DIP2C: variants seen among roughly 807,000 people sequenced by gnomAD.
DIP2C encodes the protein disco-interacting protein 2 homolog C.
Under a neutral mutation model 192.4 loss-of-function variants are expected in DIP2C, and 33 were observed. The observed-to-expected ratio is 0.17, with a 90% CI of 0.13 to 0.23. The LOEUF (loss-of-function observed/expected upper bound fraction) is 0.23. Ranked by LOEUF, DIP2C falls within the 10% of genes least tolerant of loss-of-function variation. DIP2C has a pLI of 1.00. For synonymous variants in DIP2C, 979 were observed against 864.1 expected (o/e 1.13, Z -2.33); for missense variants, 1,537 against 2,110.1 (o/e 0.73, Z 5.32).
Position 487,800 on chromosome 10 carries a change from A to G in DIP2C, c.86-1270T>C, listed in dbSNP as rs1302581903. Reference sequence around the variant, plus strand: ...CACCATGTTAGCCAGGATGATCTCCATCTCCTGACCTCATGATCTGCCACT... The same window carrying G: ...CACCATGTTAGCCAGGATGATCTCCGTCTCCTGACCTCATGATCTGCCACT... On this transcript the variant is annotated intron_variant, in intron 1 of 36. Coordinates refer to ENST00000280886, the MANE Select transcript of DIP2C (RefSeq NM_014974.3). Among the ~76,000 whole-genome samples the G allele has an allele frequency of 2.0e-5, 3 of 152,044 alleles. No homozygotes were observed. The East Asian group carries it at 5.8e-4, about 30-fold the overall frequency.
chr10:593,243 A>C (rs1164636033), intron 1 of DIP2C, among the ~76,000 whole-genome samples: 4 of 152,008 alleles, frequency 2.6e-5, no homozygotes, highest in Non-Finnish European at 1.5e-5. Flanking sequence ...TCTCATCGTC[A>C]TCTGGGGCTC....
intron 1 of DIP2C, among the ~76,000 whole-genome samples, chr10:646,471 G>C (rs139463585): frequency 6.6e-6 from 1 of 152,212 alleles, no homozygotes; most frequent in East Asian, 1.9e-4. Flanking sequence ...GGTGGCGACC[G>C]CACCAGCCAG....
intron 17 of DIP2C, among the ~76,000 whole-genome samples, chr10:378,260 G>A (rs12246970): frequency 0.14 from 20,581 of 152,250 alleles, 1,482 homozygotes; most frequent in East Asian, 0.2. Context: ...TACAGTTCAC[G>A]TAGCAAGACT....
At chr10:336,516 G>A (rs553085421) in intron 29 of DIP2C, among the ~76,000 whole-genome samples, 3 of 152,068 alleles carry the variant, frequency 2.0e-5, no homozygotes, top group Admixed American at 6.5e-5. Flanking sequence ...TGGGCACGGT[G>A]GATTAGGTTT....
At chr10:373,490 G>A (rs962928453) in intron 17 of DIP2C, among the ~76,000 whole-genome samples, 1 of 152,212 alleles carries the variant, frequency 6.6e-6, no homozygotes, top group Non-Finnish European at 1.5e-5. Flanking sequence ...AGTGTTGGGA[G>A]AAGCTGCGGC....
At chr10:554,273 C>T (rs1848732610) in intron 1 of DIP2C, among the ~76,000 whole-genome samples, 1 of 152,146 alleles carries the variant, frequency 6.6e-6, no homozygotes, top group Admixed American at 6.5e-5. Context: ...ATGCTTGTAA[C>T]TGTAAGAGTG....
At chr10:309,279 T>G (rs1010675207) in intron 32 of DIP2C, among the ~76,000 whole-genome samples, 3 of 151,696 alleles carry the variant, frequency 2.0e-5, no homozygotes, top group Non-Finnish European at 2.9e-5. Context: ...GTCCTCACAC[T>G]CTCACCAAGA....
chr10:344,706 AGTCT>A, intron 28 of DIP2C, 99 bp downstream of exon 28: 1 of 918,556 alleles, frequency 1.1e-6, no homozygotes. Context: ...TCCACATCTC[AGTCT>A]GACTACACGA....
chr10:376,541 A>G (rs1297992485), intron 17 of DIP2C, among the ~76,000 whole-genome samples: 1 of 144,734 alleles, frequency 6.9e-6, no homozygotes, highest in Non-Finnish European at 1.5e-5. Context: ...TGGCAGCCAG[A>G]ACCCCGAGGA....
At chr10:350,853 G>A (rs1488630101) in intron 24 of DIP2C, among the ~76,000 whole-genome samples, 9 of 152,026 alleles carry the variant, frequency 5.9e-5, no homozygotes, top group South Asian at 2.1e-4. Flanking sequence ...TCACTATGTT[G>A]GCCAGGATGG....
intron 1 of DIP2C, among the ~76,000 whole-genome samples, chr10:602,052 G>A (rs905008083): frequency 4.6e-5 from 7 of 150,824 alleles, no homozygotes; most frequent in Admixed American, 1.3e-4. Flanking sequence ...AGCCACATGG[G>A]AAGGGGCTTT....
intron 1 of DIP2C, among the ~76,000 whole-genome samples, chr10:563,640 A>T (rs11253214): frequency 1.3e-5 from 2 of 152,142 alleles, no homozygotes; most frequent in Non-Finnish European, 2.9e-5. Context: ...AAAGTTTCTG[A>T]GGAGCATTTG....
intron 32 of DIP2C, among the ~76,000 whole-genome samples, chr10:297,591 C>T (rs936196547): frequency 2.6e-5 from 4 of 152,136 alleles, no homozygotes; most frequent in Admixed American, 1.3e-4. Flanking sequence ...AAATACTACA[C>T]GTTCTCACTC....
At chr10:557,763 GGGGAGGAT>G (rs1848970143) in intron 1 of DIP2C, among the ~76,000 whole-genome samples, 1 of 61,464 alleles carries the variant, frequency 1.6e-5, no homozygotes, top group Non-Finnish European at 3.1e-5. Context: ...GAAGGGGGAG[GGGGAGGAT>G]GGGCGGGGAG....
At chr10:600,485 G>A (rs1326170177) in intron 1 of DIP2C, among the ~76,000 whole-genome samples, 1 of 150,674 alleles carries the variant, frequency 6.6e-6, no homozygotes, top group Non-Finnish European at 1.5e-5. Context: ...CCTTAAAGAC[G>A]ACGGCCCAGG....
intron 32 of DIP2C, among the ~76,000 whole-genome samples, chr10:295,311 C>G (rs1320877079): frequency 1.3e-5 from 2 of 151,990 alleles, no homozygotes; most frequent in East Asian, 3.9e-4. Context: ...CCTGTAATCC[C>G]AGCACTTTGG....
rs1554772171 is a variant in DIP2C, at chr10:674,826, A to AGACC, written c.85+14667_85+14668insGGTC. ...GAGAGAGAGAGAGAGAGAGAGAGAG[A>AGACC]GAGACCAACACAACAATAGTAGGGG... is the stretch of plus-strand genomic sequence containing the variant. On this transcript the variant is annotated intron_variant, in intron 1 of 36. Transcript: ENST00000280886. 3.6e-3 allele frequency among the ~76,000 whole-genome samples: 517 copies of AGACC among 144,716 alleles called. 3 individuals are homozygous for AGACC. Among genetic ancestry groups the AGACC allele is most frequent in the African/African-American group, 0.011 (417 of 37,784 alleles). 94.9% of individuals were successfully genotyped at this position (144,716 alleles called of 152,430 possible). A position where few individuals can be genotyped will look rare whatever the true frequency, so the allele number is the denominator to read the frequency against.
At chr10:331,563 A>C (rs1002835441) in intron 29 of DIP2C, among the ~76,000 whole-genome samples, 2 of 152,242 alleles carry the variant, frequency 1.3e-5, no homozygotes, top group African/African-American at 4.8e-5. Context: ...AACTATTCAC[A>C]CAGCATTTAC....
At chr10:409,644 T>A (rs76577647) in intron 8 of DIP2C, among the ~76,000 whole-genome samples, 35 of 152,314 alleles carry the variant, frequency 2.3e-4, no homozygotes, top group African/African-American at 7.7e-4. Context: ...ACAAAGTCAC[T>A]CCCGGTGACG....
Sources: gnomAD v4.1 joint callset for allele counts (sites outside exome capture counted in the v4.1 genomes callset) on GRCh38, gnomAD v4.1.1 for gene constraint, MANE v1.5 for transcripts, NCBI Gene and HGNC (gene_info 2026-07-23, HGNC 2026-07-21) for gene names.